R3HDM2: variants seen among roughly 807,000 people sequenced by gnomAD.
R3HDM2 encodes R3H domain-containing protein 2.
A neutral mutation model predicts 124.5 loss-of-function variants in R3HDM2; 38 were observed. The ratio of observed to expected loss-of-function variants is 0.31; its 90% CI spans 0.24 to 0.40. The LOEUF is 0.40. Among genes scored for constraint, R3HDM2 ranks in the 10% least tolerant of loss-of-function variants. R3HDM2 has a pLI of 1.00. For synonymous variants in R3HDM2, 391 were observed against 448.0 expected (o/e 0.87, Z 1.61); for missense variants, 869 against 1,236.9 (o/e 0.70, Z 4.46).
At chr12:57,415,755 A>G (rs1420802491) in intron 1 of R3HDM2, among the ~76,000 whole-genome samples, 1 of 152,216 alleles carries the variant, frequency 6.6e-6, no homozygotes, top group Non-Finnish European at 1.5e-5. Context: ...TCACCTGGGT[A>G]GTATTCTTGC....
At chr12:57,299,739 A>AACC (rs2050695153) in intron 5 of R3HDM2, among the ~76,000 whole-genome samples, 1 of 152,204 alleles carries the variant, frequency 6.6e-6, no homozygotes. Context: ...GAATGGTTCT[A>AACC]ACCACCAGAG....
At position 57,343,795 on chromosome 12, in the gene R3HDM2, G is replaced by A. The variant is rs144537339; in HGVS notation, c.-35-33332C>T. Reference sequence around the variant, plus strand: ...AAAAAAAAAAAAAAAAACAGGTTCTGGCTTTTACTCTGAGTGAGATGAGAA... The same window carrying A: ...AAAAAAAAAAAAAAAAACAGGTTCTAGCTTTTACTCTGAGTGAGATGAGAA... On this transcript the variant is annotated intron_variant, in intron 2 of 23. Transcript: ENST00000402412. Among the ~76,000 whole-genome samples the A allele has an allele frequency of 1.3e-3, 194 of 149,178 alleles. 2 individuals are homozygous for A. Among genetic ancestry groups the A allele is most frequent in the African/African-American group, 4.5e-3 (184 of 40,824 alleles).
chr12:57,268,311 G>C lies in R3HDM2; in HGVS notation c.2022C>G (p.Asn674Lys), dbSNP rs138191775. 3 of 1,613,654 alleles carry C rather than the reference G, an allele frequency of 1.9e-6. No homozygotes were observed. Among genetic ancestry groups the C allele is most frequent in the East Asian group, 2.2e-5 (1 of 44,886 alleles). Residue 674 changes from asparagine to lysine, a missense_variant, in exon 18 of 24, where the codon AAC becomes AAG. Around this residue, in one of 2 missense-constraint regions of R3HDM2, gnomAD observed 602 missense variants for 789.2 expected, o/e 0.76. Transcript: ENST00000402412. The stretch of plus-strand genomic sequence containing the variant: ...TCTCTGGGAGTCCTCACCTCGTACC[G>C]TTCTGCTGAGCAGGTGGGATCATGC... The part of the protein sequence containing the change: ...YYSMIPPAQQ[N>K]GTSPSVGFLQ...
At chr12:57,382,266 C>G (rs994623189) in intron 2 of R3HDM2, among the ~76,000 whole-genome samples, 3 of 151,304 alleles carry the variant, frequency 2.0e-5, no homozygotes, top group Non-Finnish European at 2.9e-5. Context: ...AAGCACACAC[C>G]AACACATCTG....
chr12:57,287,655 T>C (rs759968992), intron 12 of R3HDM2, among the ~76,000 whole-genome samples: 2 of 152,176 alleles, frequency 1.3e-5, no homozygotes, highest in Non-Finnish European at 2.9e-5. Context: ...TTATCAAGTG[T>C]AGTAGTCAAT....
At chr12:57,371,937 G>A (rs1406033220) in intron 2 of R3HDM2, among the ~76,000 whole-genome samples, 3 of 152,116 alleles carry the variant, frequency 2.0e-5, no homozygotes, top group Admixed American at 6.6e-5. Context: ...GTGCGGTCTC[G>A]GCTCACTATA....
intron 2 of R3HDM2, among the ~76,000 whole-genome samples, chr12:57,344,005 G>C (rs937903043): frequency 6.6e-6 from 1 of 152,030 alleles, no homozygotes; most frequent in Non-Finnish European, 1.5e-5. Flanking sequence ...AACATAAAAA[G>C]AATTTGCAAA....
intron 3 of R3HDM2, among the ~76,000 whole-genome samples, chr12:57,309,851 G>C (rs2053549376): frequency 6.6e-6 from 1 of 152,180 alleles, no homozygotes; most frequent in Non-Finnish European, 1.5e-5. Flanking sequence ...TGAAGCTGGA[G>C]TTTTTAAAGA....
chr12:57,347,992 A>T (rs1234999625), intron 2 of R3HDM2, among the ~76,000 whole-genome samples: 1 of 152,212 alleles, frequency 6.6e-6, no homozygotes, highest in East Asian at 1.9e-4. Context: ...AAAAAGAAAA[A>T]AAAATCCACT....
intron 2 of R3HDM2, among the ~76,000 whole-genome samples, chr12:57,346,658 G>A (rs760725423): frequency 2.0e-5 from 3 of 152,126 alleles, no homozygotes; most frequent in Non-Finnish European, 2.9e-5. Flanking sequence ...TAAAAGAATG[G>A]TCAAAGGACA....
intron 12 of R3HDM2, 82 bp from the exon 13 acceptor site, chr12:57,284,138 C>T: frequency 7.9e-7 from 1 of 1,260,598 alleles, no homozygotes; most frequent in Non-Finnish European, 1.1e-6. Context: ...TCTATTCTCT[C>T]AATAACAAAG....
rs1414822527 is a variant in R3HDM2, at chr12:57,268,287, C to T, written c.2030+16G>A. ...CTATGGGAGATGTCCTGTCCTGGCT[C>T]TCTGGGAGTCCTCACCTCGTACCGT... On this transcript the variant is annotated intron_variant, in intron 18 of 23. Coordinates refer to ENST00000402412, the MANE Select transcript of R3HDM2 (RefSeq NM_001394031.1). 10 of 1,611,512 alleles carry T rather than the reference C, an allele frequency of 6.2e-6. No homozygotes were observed. Among genetic ancestry groups the T allele is most frequent in the East Asian group, 2.2e-5 (1 of 44,814 alleles).
At chr12:57,351,046 C>G (rs2060626124) in intron 2 of R3HDM2, among the ~76,000 whole-genome samples, 1 of 152,110 alleles carries the variant, frequency 6.6e-6, no homozygotes, top group Non-Finnish European at 1.5e-5. Flanking sequence ...TGCAGTGTGC[C>G]AAGACCATGG....
At chr12:57,259,208 G>A in intron 19 of R3HDM2, 149 bp from the exon 20 acceptor site, 1 of 747,600 alleles carries the variant, frequency 1.3e-6, no homozygotes, top group Non-Finnish European at 2.1e-6. Context: ...GATGGCTGCT[G>A]ATGTGGCTTC....
At chr12:57,279,178 C>CTTTTT (rs1212781487) in intron 14 of R3HDM2, among the ~76,000 whole-genome samples, 2 of 114,932 alleles carry the variant, frequency 1.7e-5, no homozygotes, top group East Asian at 2.7e-4. Flanking sequence ...ATTAAGGTGA[C>CTTTTT]TTTTTTTTTT....
intron 2 of R3HDM2, among the ~76,000 whole-genome samples, chr12:57,374,852 C>T (rs2063838284): frequency 6.6e-6 from 1 of 150,408 alleles, no homozygotes; most frequent in Admixed American, 6.7e-5. Context: ...AAAAAATAGT[C>T]GGGCGTGGTG....
At chr12:57,358,708 T>C (rs1176978646) in intron 2 of R3HDM2, among the ~76,000 whole-genome samples, 1 of 152,168 alleles carries the variant, frequency 6.6e-6, no homozygotes, top group African/African-American at 2.4e-5. Flanking sequence ...ATGGTCTATT[T>C]TAGTAAACAT....
chr12:57,346,918 C>T (rs946746411), intron 2 of R3HDM2, among the ~76,000 whole-genome samples: 13 of 152,058 alleles, frequency 8.5e-5, no homozygotes, highest in Non-Finnish European at 1.9e-4. Context: ...CAAGACTCCA[C>T]CTGAAATGGT....
At chr12:57,416,963 C>A (rs1285642043) in intron 1 of R3HDM2, among the ~76,000 whole-genome samples, 1 of 150,968 alleles carries the variant, frequency 6.6e-6, no homozygotes, top group African/African-American at 2.4e-5. Context: ...TACAAATTAG[C>A]CAGGCGTGGT....
Sources: gnomAD v4.1 joint callset for allele counts (sites outside exome capture counted in the v4.1 genomes callset) on GRCh38, gnomAD v4.1.1 for gene constraint, gnomAD v4.1.1 regional missense constraint, MANE v1.5 for transcripts, NCBI Gene and HGNC (gene_info 2026-07-23, HGNC 2026-07-21) for gene names.